QSER1: variants seen among roughly 807,000 people sequenced by gnomAD.
QSER1 encodes the protein glutamine and serine-rich protein 1.
QSER1 carries 49 observed loss-of-function variants against 158.5 expected under a neutral mutation model. The ratio of observed to expected loss-of-function variants is 0.31; its 90% CI spans 0.25 to 0.39. The LOEUF is 0.39. QSER1 is among the 10% of genes least tolerant of loss of function. The pLI is 1.00. For synonymous variants in QSER1, 650 were observed against 715.5 expected (o/e 0.91, Z 1.46); for missense variants, 1,754 against 2,010.3 (o/e 0.87, Z 2.44).
At chr11:32,914,095 A>C (rs1851803512) in intron 1 of QSER1, among the ~76,000 whole-genome samples, 1 of 152,268 alleles carries the variant, frequency 6.6e-6, no homozygotes, top group Non-Finnish European at 1.5e-5. Flanking sequence ...TGGGATAGGT[A>C]TATGCTAGAG....
chr11:32,948,296 G>A (rs753213769), intron 4 of QSER1, among the ~76,000 whole-genome samples: 16 of 152,148 alleles, frequency 1.1e-4, no homozygotes, highest in Non-Finnish European at 2.2e-4. Context: ...AGAAAATATC[G>A]AAATTAATTG....
At chr11:32,900,675 TG>T (rs1189730002) in intron 1 of QSER1, among the ~76,000 whole-genome samples, 4 of 152,242 alleles carry the variant, frequency 2.6e-5, no homozygotes, top group Non-Finnish European at 4.4e-5. Context: ...TCAGCCATAC[TG>T]GCTTTACTTC....
At chr11:32,964,966 T>A (rs2133599455) in intron 8 of QSER1, among the ~76,000 whole-genome samples, 1 of 151,768 alleles carries the variant, frequency 6.6e-6, no homozygotes, top group Middle Eastern at 3.4e-3. Flanking sequence ...GCTCAAACAA[T>A]CCTCCCACCT....
intron 12 of QSER1, chr11:32,975,608 A>G (rs1852963247): frequency 1.6e-6 from 2 of 1,258,638 alleles, no homozygotes; most frequent in African/African-American, 3.1e-5. Context: ...TTACATCGCC[A>G]TAATAAATGA....
chr11:32,899,190 T>A (rs1041247302), intron 1 of QSER1, among the ~76,000 whole-genome samples: 4 of 152,344 alleles, frequency 2.6e-5, no homozygotes, highest in African/African-American at 9.6e-5. Context: ...TAGTACTTAG[T>A]ATTTACTTTA....
rs1851503774 is a variant in QSER1, at chr11:32,893,110, C to T, written c.-16C>T. The T allele has an allele frequency of 7.1e-6, 1 of 140,386 alleles. No individual in the cohort carries two copies. The highest frequency in any genetic ancestry group is 1.6e-5 in the Non-Finnish European group (1 of 63,762). The allele number at this position is 140,386 out of a possible 1,614,324, so 8.7% of individuals were successfully genotyped here. A position where few individuals can be genotyped will look rare whatever the true frequency, so the allele number is the denominator to read the frequency against. Reference sequence around the variant, plus strand: ...GATCCCCCGCTGCTGCCCGCCCTCCCTACGCCACCCCCACGATGGACAGGA... The same window carrying T: ...GATCCCCCGCTGCTGCCCGCCCTCCTTACGCCACCCCCACGATGGACAGGA... On this transcript the variant is annotated 5_prime_UTR_variant, in exon 1 of 13. Coordinates refer to ENST00000650167, the MANE Select transcript of QSER1 (RefSeq NM_001076786.3). This position sits in a 1 kb window ranked among gnomAD's most constrained non-coding sequence, Gnocchi z 4.7.
At chr11:32,972,387 G>A (rs1852879099) in intron 10 of QSER1, among the ~76,000 whole-genome samples, 1 of 151,338 alleles carries the variant, frequency 6.6e-6, no homozygotes, top group African/African-American at 2.4e-5. Context: ...AGTAGGTAAG[G>A]GCATAAATAG....
At position 32,933,701 on chromosome 11, in the gene QSER1, G is replaced by A; in HGVS notation, c.2443G>A (p.Val815Met). Residue 815 changes from valine to methionine, a missense_variant, in exon 4 of 13, where the codon GTG (valine) becomes ATG (methionine). Val to Met is a conservative substitution (Grantham distance 21). Around this residue, in one of 2 missense-constraint regions of QSER1, gnomAD observed 1,707 missense variants for 1,919.6 expected, o/e 0.89. Coordinates refer to ENST00000650167, the MANE Select transcript of QSER1 (RefSeq NM_001076786.3). ...LKQQHPLILK[V>M]HESKVQEQHD... is the part of the protein sequence containing the mutation. ...GCAGCAACATCCTCTCATACTTAAG[G>A]TGCATGAGTCCAAGGTCCAGGAACA... 2 of 1,613,790 alleles carry A rather than the reference G, an allele frequency of 1.2e-6. No homozygotes were observed. The highest frequency in any genetic ancestry group is 1.7e-6 in the Non-Finnish European group (2 of 1,179,888).
intron 10 of QSER1, among the ~76,000 whole-genome samples, chr11:32,970,344 G>T (rs1319193475): frequency 6.6e-6 from 1 of 152,130 alleles, no homozygotes; most frequent in African/African-American, 2.4e-5. Flanking sequence ...AAAAAATTTA[G>T]AAGCTAGTAA....
At chr11:32,955,957 A>G (rs778951906) in intron 6 of QSER1, 31 bp from the exon 7 acceptor site, 2 of 1,582,354 alleles carry the variant, frequency 1.3e-6, no homozygotes, top group African/African-American at 2.7e-5. Context: ...AGATTGTTCA[A>G]TTATGTAACT....
intron 9 of QSER1, among the ~76,000 whole-genome samples, chr11:32,967,700 G>T (rs948964033): frequency 1.3e-5 from 2 of 152,180 alleles, no homozygotes; most frequent in Non-Finnish European, 2.9e-5. Context: ...GACAGGTTCA[G>T]AGAGGTTAAG....
In QSER1 at chr11:32,935,119, A is replaced by T; in HGVS notation, c.3861A>T (p.Lys1287Asn). ...TTGCTTCTTTCTTAGATTTTCTGAA[A>T]TCCGGGCCCAAGCAGCAGTTTTCCA... ...GFIASFLDFL[K>N]SGPKQQFSTL... is the part of the protein sequence containing the mutation. The change falls in exon 4 of 13, where the codon AAA becomes AAT. Residue 1287 changes from lysine (K) to asparagine (N), a missense_variant. Coordinates refer to ENST00000650167, the MANE Select transcript of QSER1 (RefSeq NM_001076786.3). 6.2e-7 allele frequency: 1 copy of T among 1,614,050 alleles called. No homozygotes were observed. The highest frequency in any genetic ancestry group is 8.5e-7 in the Non-Finnish European group (1 of 1,179,986).
intron 8 of QSER1, among the ~76,000 whole-genome samples, chr11:32,964,737 TATACACACACACAC>T (rs1430767224): frequency 4.4e-5 from 5 of 113,030 alleles, no homozygotes; most frequent in African/African-American, 1.3e-4. Flanking sequence ...TATATATATA[TATACACACACACAC>T]ACACACACAC....
At chr11:32,902,104 A>G (rs761410619) in intron 1 of QSER1, among the ~76,000 whole-genome samples, 1 of 152,302 alleles carries the variant, frequency 6.6e-6, no homozygotes, top group Admixed American at 6.5e-5. Flanking sequence ...AAAAAAATCC[A>G]CATAAAATCT....
intron 1 of QSER1, among the ~76,000 whole-genome samples, chr11:32,919,683 G>A (rs1477556090): frequency 6.6e-6 from 1 of 152,142 alleles, no homozygotes; most frequent in Non-Finnish European, 1.5e-5. Context: ...GTCACTGTGT[G>A]CAGTCCACAC....
intron 4 of QSER1, among the ~76,000 whole-genome samples, chr11:32,941,556 C>G (rs1008821642): frequency 6.6e-6 from 1 of 151,822 alleles, no homozygotes; most frequent in Admixed American, 6.6e-5. Context: ...ACAAAGGACA[C>G]GAACTCATCA....
In QSER1 at chr11:32,949,931, G is replaced by A. The variant is rs562737619; in HGVS notation, c.4178-3926G>A. On this transcript the variant is annotated intron_variant, in intron 4 of 12. Coordinates refer to ENST00000650167, the MANE Select transcript of QSER1 (RefSeq NM_001076786.3). ...CATTTCCACTTTTTCTGTGTTGGAA[G>A]TCTGGATTTGCCTCAGGCCCTGCTT... 4.6e-5 allele frequency among the ~76,000 whole-genome samples: 7 copies of A among 152,284 alleles called. No homozygotes were observed. The East Asian group carries it at 1.3e-3, about 29-fold the overall frequency.
intron 4 of QSER1, among the ~76,000 whole-genome samples, chr11:32,953,516 G>C (rs1178172211): frequency 6.6e-6 from 1 of 151,996 alleles, no homozygotes; most frequent in Non-Finnish European, 1.5e-5. Flanking sequence ...ACTATGCTCG[G>C]CTAATTTTTT....
At chr11:32,929,269 G>A (rs576482981) in intron 3 of QSER1, among the ~76,000 whole-genome samples, 18 of 152,042 alleles carry the variant, frequency 1.2e-4, no homozygotes, top group African/African-American at 4.1e-4. Context: ...GCACCACCAC[G>A]CCCAGCTAAT....
Sources: gnomAD v4.1 joint callset for allele counts (sites outside exome capture counted in the v4.1 genomes callset) on GRCh38, gnomAD v4.1.1 for gene constraint, gnomAD v4.1.1 regional missense constraint, Gnocchi (gnomAD v3.1) non-coding constraint, MANE v1.5 for transcripts, NCBI Gene and HGNC (gene_info 2026-07-23, HGNC 2026-07-21) for gene names.